Variants in ST8SIA1 observed in about 807,000 individuals in gnomAD.
The protein encoded by ST8SIA1 is alpha-N-acetylneuraminide alpha-2,8-sialyltransferase.
In ST8SIA1, 16 loss-of-function variants were observed where a neutral mutation model predicts 35.9. That is an observed-to-expected ratio of 0.45 (90% CI 0.30 to 0.68). The LOEUF is 0.68. Ranked by LOEUF, ST8SIA1 falls within the 30% of genes least tolerant of loss-of-function variation. The pLI is 0.09. For synonymous variants in ST8SIA1, 170 were observed against 169.6 expected, an observed-to-expected ratio of 1.00 and a Z score of -0.02; for missense variants, 383 against 453.6, an observed-to-expected ratio of 0.84 and a Z score of 1.41.
intron 1 of ST8SIA1, among the ~76,000 whole-genome samples, chr12:22,314,033 T>C (rs1052690145): frequency 1.3e-5 from 2 of 152,154 alleles, no homozygotes; most frequent in African/African-American, 2.4e-5. Flanking sequence ...AAACCGTGAG[T>C]TGCTTTGTCT....
At chr12:22,291,408 G>T (rs980218531) in intron 1 of ST8SIA1, among the ~76,000 whole-genome samples, 1 of 152,194 alleles carries the variant, frequency 6.6e-6, no homozygotes, top group African/African-American at 2.4e-5. Flanking sequence ...GGGTGGGCAA[G>T]AATTTACCTC....
chr12:22,252,784 C>A (rs377145519), intron 3 of ST8SIA1, among the ~76,000 whole-genome samples: 44 of 152,304 alleles, frequency 2.9e-4, no homozygotes, highest in African/African-American at 1.0e-3. Flanking sequence ...TTCTATGGTG[C>A]CTAAGCCTAG....
chr12:22,230,709 G>T (rs1342108267), intron 4 of ST8SIA1, among the ~76,000 whole-genome samples: 2 of 152,094 alleles, frequency 1.3e-5, no homozygotes. Flanking sequence ...TTTATCAAAT[G>T]ACTCACTATC....
At chr12:22,244,641 A>G (rs1865578561) in intron 4 of ST8SIA1, among the ~76,000 whole-genome samples, 1 of 151,976 alleles carries the variant, frequency 6.6e-6, no homozygotes, top group South Asian at 2.1e-4. Context: ...ATTTTTTGGT[A>G]GAGACGAGGT....
rs34617658 is a variant in ST8SIA1, at chr12:22,266,493, TA to T, written c.382-11105del. On this transcript the variant is annotated intron_variant, in intron 2 of 4. Coordinates refer to ENST00000396037, the MANE Select transcript of ST8SIA1 (RefSeq NM_003034.4). ...AAGGTTATACCAGAAAACCCCTATT[TA>T]AAAAAAAAATATATATATATATAGG... Among the ~76,000 whole-genome samples, 368 of 134,990 alleles carry T rather than the reference TA, an allele frequency of 2.7e-3. 2 individuals are homozygous for T. The highest frequency in any genetic ancestry group is 9.2e-3 in the African/African-American group (314 of 34,038). The allele number at this position is 134,990 out of a possible 152,430, so 88.6% of individuals were successfully genotyped here.
Position 22,306,420 on chromosome 12 carries a change from G to C in ST8SIA1, c.237-19127C>G, listed in dbSNP as rs966247633. ...ACAATCTATTTCTTTCTTGAGAAAG[G>C]GTACAAGCAAAGTACAATTTTTGAG... On this transcript the variant is annotated intron_variant, in intron 1 of 4. Transcript: ENST00000396037. 2.6e-5 allele frequency among the ~76,000 whole-genome samples: 4 copies of C among 151,956 alleles called. No homozygotes were observed. The East Asian group carries it at 7.7e-4, about 29-fold the overall frequency.
intron 4 of ST8SIA1, among the ~76,000 whole-genome samples, chr12:22,215,291 T>C (rs755060705): frequency 2.6e-5 from 4 of 152,214 alleles, no homozygotes; most frequent in Non-Finnish European, 5.9e-5. Flanking sequence ...CTCATTCCAC[T>C]GACCATTTCC....
At chr12:22,252,277 T>C (rs1486414379) in intron 3 of ST8SIA1, among the ~76,000 whole-genome samples, 1 of 152,206 alleles carries the variant, frequency 6.6e-6, no homozygotes, top group South Asian at 2.1e-4. Context: ...ATCTGTCCAT[T>C]ACACACCCTA....
At chr12:22,210,145 C>T (rs531902572) in intron 4 of ST8SIA1, among the ~76,000 whole-genome samples, 92 of 152,166 alleles carry the variant, frequency 6.0e-4, no homozygotes, top group Non-Finnish European at 1.2e-3. Flanking sequence ...ATTTCCAAGA[C>T]AAATGTTATA....
At chr12:22,322,223 T>C (rs1866611181) in intron 1 of ST8SIA1, among the ~76,000 whole-genome samples, 1 of 152,176 alleles carries the variant, frequency 6.6e-6, no homozygotes, top group Non-Finnish European at 1.5e-5. Flanking sequence ...TGTTTGTTTT[T>C]CCTCCCATAT....
intron 2 of ST8SIA1, chr12:22,268,504 T>C (rs1319932447): frequency 6.6e-6 from 1 of 152,194 alleles, no homozygotes; most frequent in Non-Finnish European, 1.5e-5. Context: ...GAGGTTTAAC[T>C]GACTCACAGT....
chr12:22,315,620 C>T (rs1866508600), intron 1 of ST8SIA1, among the ~76,000 whole-genome samples: 1 of 151,982 alleles, frequency 6.6e-6, no homozygotes, highest in Non-Finnish European at 1.5e-5. Context: ...TGTTTCCTTT[C>T]AAACCGAGAA....
intron 4 of ST8SIA1, among the ~76,000 whole-genome samples, chr12:22,240,574 T>C (rs1452196129): frequency 6.6e-6 from 1 of 152,144 alleles, no homozygotes; most frequent in Admixed American, 6.5e-5. Flanking sequence ...ATGGAAGTTT[T>C]AGGAACACAG....
intron 1 of ST8SIA1, among the ~76,000 whole-genome samples, chr12:22,295,691 T>A (rs961540143): frequency 6.6e-6 from 1 of 152,038 alleles, no homozygotes; most frequent in Admixed American, 6.5e-5. Context: ...ATGATCACAC[T>A]ACTGCACTCC....
At chr12:22,290,168 G>A (rs1866156786) in intron 1 of ST8SIA1, among the ~76,000 whole-genome samples, 1 of 152,134 alleles carries the variant, frequency 6.6e-6, no homozygotes, top group Non-Finnish European at 1.5e-5. Flanking sequence ...CAATATGAGT[G>A]GTTTTTCTGT....
chr12:22,232,577 A>G (rs1179542412), intron 4 of ST8SIA1, among the ~76,000 whole-genome samples: 1 of 152,204 alleles, frequency 6.6e-6, no homozygotes, highest in Non-Finnish European at 1.5e-5. Context: ...TAGGTATATG[A>G]GTCTGGAGAT....
intron 1 of ST8SIA1, among the ~76,000 whole-genome samples, chr12:22,320,916 GGAAAGAAAGGAA>G (rs1190390389): frequency 8.5e-6 from 1 of 117,602 alleles, no homozygotes; most frequent in East Asian, 2.5e-4. Context: ...AGAGAAGAAA[GGAAAGAAAGGAA>G]GAAAGAAAGA....
intron 2 of ST8SIA1, among the ~76,000 whole-genome samples, chr12:22,283,105 T>A (rs61014338): frequency 0.054 from 8,258 of 152,132 alleles, 366 homozygotes; most frequent in South Asian, 0.17. Flanking sequence ...CAGTGGAACA[T>A]GACAGGAGCC....
At chr12:22,298,676 T>A (rs1475799730) in intron 1 of ST8SIA1, among the ~76,000 whole-genome samples, 1 of 152,236 alleles carries the variant, frequency 6.6e-6, no homozygotes, top group East Asian at 1.9e-4. Context: ...ACAAAGCTAT[T>A]TTCTACTTCC....
Sources: gnomAD v4.1 joint callset for allele counts (sites outside exome capture counted in the v4.1 genomes callset) on GRCh38, gnomAD v4.1.1 for gene constraint, MANE v1.5 for transcripts, NCBI Gene and HGNC (gene_info 2026-07-23, HGNC 2026-07-21) for gene names.